CAMK4: variants seen among roughly 807,000 people sequenced by gnomAD.
The protein encoded by CAMK4 is calcium/calmodulin-dependent protein kinase type IV.
Under a neutral mutation model 44.9 loss-of-function variants are expected in CAMK4, and 22 were observed. The observed-to-expected ratio is 0.49, with a 90% CI of 0.35 to 0.70. CAMK4 has a LOEUF of 0.70. CAMK4 is among the 30% of genes least tolerant of loss of function. The probability of loss-of-function intolerance (pLI) is 0.01; values close to 1 mark genes in which losing one functional copy is unlikely to be tolerated. For missense variants in CAMK4, 498 were observed against 586.8 expected (o/e 0.85, Z 1.56); for synonymous variants, 218 against 215.4 (o/e 1.01, Z -0.11).
Position 111,360,318 on chromosome 5 carries a change from G to T in CAMK4, c.241-14532G>T, listed in dbSNP as rs139823144. On this transcript the variant is annotated intron_variant, in intron 2 of 10. Coordinates refer to ENST00000282356, the MANE Select transcript of CAMK4 (RefSeq NM_001744.6). ...TGGCTTAGATAACCCAGGGAAGCGTGGTGAGCATGAAGAGGCCACATACCA... is the reference window on the plus strand; with the variant it reads ...TGGCTTAGATAACCCAGGGAAGCGTTGTGAGCATGAAGAGGCCACATACCA... 3.3e-3 allele frequency among the ~76,000 whole-genome samples: 498 copies of T among 152,136 alleles called. 2 individuals carry two copies. The highest frequency in any genetic ancestry group is 0.012 in the African/African-American group (490 of 41,540).
intron 1 of CAMK4, among the ~76,000 whole-genome samples, chr5:111,319,736 T>C (rs1748580139): frequency 6.6e-6 from 1 of 152,220 alleles, no homozygotes. Flanking sequence ...AGACAGCTAC[T>C]GCTACCTTTA....
chr5:111,265,229 T>C (rs1750182790), intron 1 of CAMK4, among the ~76,000 whole-genome samples: 1 of 152,176 alleles, frequency 6.6e-6, no homozygotes, highest in African/African-American at 2.4e-5. Context: ...AGTGAAGTAA[T>C]TAATGAATTT....
chr5:111,350,189 T>C (rs1750034114), intron 2 of CAMK4, among the ~76,000 whole-genome samples: 1 of 152,052 alleles, frequency 6.6e-6, no homozygotes. Context: ...AGTGTTCTAC[T>C]AAAGATTAAA....
chr5:111,395,098 A>G (rs865922766), intron 5 of CAMK4, among the ~76,000 whole-genome samples: 5 of 151,316 alleles, frequency 3.3e-5, no homozygotes, highest in African/African-American at 1.2e-4. Context: ...AATTCCAACT[A>G]CTTCAGGGGC....
intron 1 of CAMK4, among the ~76,000 whole-genome samples, chr5:111,341,376 T>G (rs1453724838): frequency 1.3e-5 from 2 of 151,200 alleles, no homozygotes; most frequent in African/African-American, 2.4e-5. Flanking sequence ...TTTTTTAATA[T>G]AAGGTGTGAG....
At position 111,490,635 on chromosome 5, in the gene CAMK4, A is replaced by G. The variant is rs539932864; in HGVS notation, c.*6169A>G. 3 of 152,160 alleles carry G rather than the reference A, an allele frequency of 2.0e-5. No individual in the cohort carries two copies. The highest frequency in any genetic ancestry group is 2.9e-5 in the Non-Finnish European group (2 of 68,026). 9.4% of individuals were successfully genotyped at this position (152,160 alleles called of 1,614,324 possible). ...TATATATGACCATAAATTGAAAACT[A>G]TCATCTCATACTGCCTCCTTTTAAC... is the stretch of plus-strand genomic sequence containing the variant. On this transcript the variant is annotated 3_prime_UTR_variant, in exon 11 of 11. Coordinates refer to ENST00000282356, the MANE Select transcript of CAMK4 (RefSeq NM_001744.6).
At chr5:111,310,071 A>G (rs1561401313) in intron 1 of CAMK4, among the ~76,000 whole-genome samples, 1 of 152,110 alleles carries the variant, frequency 6.6e-6, no homozygotes, top group African/African-American at 2.4e-5. Flanking sequence ...GAGTGCATAC[A>G]TTTACCTGGT....
intron 2 of CAMK4, among the ~76,000 whole-genome samples, chr5:111,347,874 T>G (rs1324917584): frequency 6.6e-6 from 1 of 152,072 alleles, no homozygotes; most frequent in Non-Finnish European, 1.5e-5. Flanking sequence ...GGAGGACCTC[T>G]AAGATGAATT....
chr5:111,337,705 C>CT (rs932450795), intron 1 of CAMK4, among the ~76,000 whole-genome samples: 16 of 151,152 alleles, frequency 1.1e-4, no homozygotes, highest in African/African-American at 3.9e-4. Context: ...TTATATATTG[C>CT]TTTTTGAGAA....
intron 5 of CAMK4, among the ~76,000 whole-genome samples, chr5:111,414,015 C>T (rs145045960): frequency 8.9e-4 from 135 of 151,998 alleles, no homozygotes; most frequent in Middle Eastern, 3.4e-3. Flanking sequence ...CTTATGATAG[C>T]GAGAACACTA....
chr5:111,466,078 A>T (rs1334748525), intron 7 of CAMK4, among the ~76,000 whole-genome samples: 2 of 152,242 alleles, frequency 1.3e-5, no homozygotes, highest in Non-Finnish European at 2.9e-5. Context: ...ACACCACATA[A>T]ACAGAATTAA....
intron 5 of CAMK4, among the ~76,000 whole-genome samples, chr5:111,410,286 C>T (rs764327849): frequency 9.2e-5 from 14 of 152,096 alleles, no homozygotes; most frequent in African/African-American, 1.4e-4. Flanking sequence ...TCTCACATGG[C>T]GACAGTCAAG....
intron 1 of CAMK4, among the ~76,000 whole-genome samples, chr5:111,269,175 G>C (rs1360960100): frequency 6.6e-6 from 1 of 152,184 alleles, no homozygotes; most frequent in African/African-American, 2.4e-5. Context: ...AGAAAATGGA[G>C]GTACCTACTG....
intron 5 of CAMK4, among the ~76,000 whole-genome samples, chr5:111,427,346 C>T (rs1016976970): frequency 1.3e-5 from 2 of 152,200 alleles, no homozygotes; most frequent in African/African-American, 4.8e-5. Flanking sequence ...CGAAAAGCCA[C>T]CAGCAATACA....
intron 5 of CAMK4, among the ~76,000 whole-genome samples, chr5:111,423,629 A>T (rs536910451): frequency 8.5e-5 from 13 of 152,334 alleles, no homozygotes; most frequent in African/African-American, 3.1e-4. Flanking sequence ...ATTTCCAGAA[A>T]TACCATCTTA....
intron 5 of CAMK4, among the ~76,000 whole-genome samples, chr5:111,413,665 T>A (rs1404790391): frequency 6.6e-6 from 1 of 151,422 alleles, no homozygotes; most frequent in Non-Finnish European, 1.5e-5. Flanking sequence ...ATAGAAAACA[T>A]GTAATGTAAA....
chr5:111,328,896 T>C (rs1162076465), intron 1 of CAMK4, among the ~76,000 whole-genome samples: 2 of 152,046 alleles, frequency 1.3e-5, no homozygotes, highest in Non-Finnish European at 2.9e-5. Context: ...GCTTATCAGC[T>C]TGAGGAGATT....
Position 111,400,090 on chromosome 5 carries a change from C to T in CAMK4, c.459+5308C>T, listed in dbSNP as rs1002901243. Among the ~76,000 whole-genome samples, 55 of 151,758 alleles carry T rather than the reference C, an allele frequency of 3.6e-4. 1 individual carries two copies. The highest frequency in any genetic ancestry group is 3.4e-3 in the Admixed American group (52 of 15,234). ...AAGTCTGCAAAGATAAATTAATTAA[C>T]GTATAGCTAATCCTACATTTAAAAA... On this transcript the variant is annotated intron_variant, in intron 5 of 10. Coordinates refer to ENST00000282356, the MANE Select transcript of CAMK4 (RefSeq NM_001744.6).
chr5:111,449,268 C>A, intron 7 of CAMK4, 65 bp downstream of exon 7: 1 of 757,284 alleles, frequency 1.3e-6, no homozygotes, highest in Non-Finnish European at 2.1e-6. Context: ...GTTTAGCAAT[C>A]TCATTTTTAA....
Sources: gnomAD v4.1 joint callset for allele counts (sites outside exome capture counted in the v4.1 genomes callset) on GRCh38, gnomAD v4.1.1 for gene constraint, MANE v1.5 for transcripts, NCBI Gene and HGNC (gene_info 2026-07-23, HGNC 2026-07-21) for gene names.